NPHP1: variants seen among roughly 807,000 people sequenced by gnomAD.
NPHP1 encodes the protein nephrocystin-1.
NPHP1 carries 70 observed loss-of-function variants against 90.4 expected under a neutral mutation model. The observed-to-expected ratio is 0.77, with a 90% CI of 0.64 to 0.95. NPHP1 has a LOEUF of 0.95. Among genes scored for constraint, NPHP1 ranks in the 40% least tolerant of loss-of-function variants. The probability of loss-of-function intolerance (pLI) is 0.00; values close to 1 mark genes in which losing one functional copy is unlikely to be tolerated. For synonymous variants in NPHP1, 256 were observed against 271.7 expected, an observed-to-expected ratio of 0.94 and a Z score of 0.57; for missense variants, 764 against 795.9, an observed-to-expected ratio of 0.96 and a Z score of 0.48.
intron 8 of NPHP1, chr2:110,164,423 G>A: frequency 2.7e-6 from 2 of 740,238 alleles, no homozygotes; most frequent in Non-Finnish European, 4.8e-6. Context: ...TGATAGGAAA[G>A]CAGGATCAAT....
chr2:110,144,529 T>C lies in NPHP1; in HGVS notation c.1393A>G (p.Lys465Glu), dbSNP rs145522028. The change falls in exon 15 of 20, where the codon AAA (lysine) becomes GAA (glutamate). Residue 465 changes from lysine to glutamate, a missense_variant. Physicochemically the swap from Lys to Glu is moderately conservative, Grantham distance 56. Coordinates refer to ENST00000445609, the MANE Select transcript of NPHP1 (RefSeq NM_001128178.3). Reference protein sequence around the residue: ...LFLNGGTPYEKGIEVDPSISR... With the variant: ...LFLNGGTPYEEGIEVDPSISR... ...ATTGAAGGGTCCACTTCAATACCTT[T>C]TTCATAAGGAGTACCACCATTCAAG... 1 of 1,606,964 alleles carries C rather than the reference T, an allele frequency of 6.2e-7. No individual in the cohort carries two copies. Among genetic ancestry groups the C allele is most frequent in the African/African-American group, 1.3e-5 (1 of 74,808 alleles).
intron 6 of NPHP1, among the ~76,000 whole-genome samples, chr2:110,167,465 T>C (rs1682798681): frequency 6.6e-6 from 1 of 152,040 alleles, no homozygotes; most frequent in Admixed American, 6.6e-5. Context: ...AATGATGGGG[T>C]TCCAGGAACT....
intron 2 of NPHP1, among the ~76,000 whole-genome samples, chr2:110,187,476 G>C (rs1684378580): frequency 6.6e-6 from 1 of 152,100 alleles, no homozygotes; most frequent in Non-Finnish European, 1.5e-5. Flanking sequence ...GGAAGAAATT[G>C]AATCCCTGAA....
At chr2:110,155,474 G>A (rs1222015856) in intron 11 of NPHP1, among the ~76,000 whole-genome samples, 1 of 152,180 alleles carries the variant, frequency 6.6e-6, no homozygotes, top group Non-Finnish European at 1.5e-5. Context: ...GCACCGTGCT[G>A]CTGGAAAAGC....
intron 6 of NPHP1, 24 bp from the exon 7 acceptor site, chr2:110,165,179 G>T (rs781765193): frequency 6.3e-7 from 1 of 1,576,086 alleles, no homozygotes; most frequent in South Asian, 1.1e-5. Context: ...GAAATGTGAA[G>T]TGCTTTTTAA....
intron 16 of NPHP1, among the ~76,000 whole-genome samples, chr2:110,134,751 A>G (rs1350765977): frequency 1.3e-5 from 2 of 152,086 alleles, no homozygotes; most frequent in Non-Finnish European, 2.9e-5. Flanking sequence ...TATTTTCTCA[A>G]TTGATGCTGA....
rs746515295 is a variant in NPHP1 at position 110,178,397 on chromosome 2, AAAAG to A, written c.329+22_329+25del. 8.1e-6 allele frequency: 13 copies of A among 1,611,790 alleles called. No homozygotes were observed. In the African/African-American group the frequency reaches 1.6e-4, roughly 20 times the overall value. ...TTGGTGATATATCTTTAAAAAAGAA[AAAAG>A]AAAGGTAGAAAGGAAGCATACTCAG... On this transcript the variant is annotated intron_variant, in intron 4 of 19. Coordinates refer to ENST00000445609, the MANE Select transcript of NPHP1 (RefSeq NM_001128178.3).
chr2:110,169,306 T>C (rs1237675831), intron 5 of NPHP1, among the ~76,000 whole-genome samples: 1 of 152,130 alleles, frequency 6.6e-6, no homozygotes, highest in African/African-American at 2.4e-5. Flanking sequence ...CACTTAAATT[T>C]CTTTGGCTCA....
chr2:110,192,714 C>T (rs965946509), intron 2 of NPHP1, among the ~76,000 whole-genome samples: 3 of 151,938 alleles, frequency 2.0e-5, no homozygotes, highest in Admixed American at 6.6e-5. Context: ...GTCAGATTCA[C>T]GAAAGTTGAA....
At chr2:110,133,361 T>C (rs1298073597) in intron 16 of NPHP1, among the ~76,000 whole-genome samples, 1 of 152,084 alleles carries the variant, frequency 6.6e-6, no homozygotes, top group African/African-American at 2.4e-5. Flanking sequence ...ATAACAATTA[T>C]AAACATATAT....
chr2:110,190,943 A>G (rs1372037398), intron 2 of NPHP1, among the ~76,000 whole-genome samples: 2 of 152,220 alleles, frequency 1.3e-5, no homozygotes, highest in Admixed American at 6.5e-5. Context: ...AGCACAGTGA[A>G]GTACCATCTC....
intron 11 of NPHP1, among the ~76,000 whole-genome samples, chr2:110,154,147 T>G (rs998301469): frequency 6.6e-6 from 1 of 152,070 alleles, no homozygotes; most frequent in Non-Finnish European, 1.5e-5. Context: ...GCGCTGTTCT[T>G]GTGATAGTGA....
chr2:110,124,053 T>C lies in NPHP1; in HGVS notation c.1772A>G (p.Glu591Gly). ...CAGGAGAAACGTGGACTTCAGGAAC[T>C]CTTTGTCTCTCTGGGAAAACACCAC... ...TLKRSEKRDK[E>G]FLKSTFLLVY... is the part of the protein sequence containing the mutation. Residue 591 changes from glutamate to glycine, a missense_variant, in exon 20 of 20, where the codon GAG (glutamate) becomes GGG (glycine). Physicochemically the swap from Glu to Gly is moderately conservative, Grantham distance 98. Transcript: ENST00000445609. The C allele has an allele frequency of 6.2e-7, 1 of 1,614,070 alleles. No homozygotes were observed.
chr2:110,125,349 G>T (rs773898505), intron 19 of NPHP1: 6 of 1,511,284 alleles, frequency 4.0e-6, no homozygotes, highest in Non-Finnish European at 5.3e-6. Context: ...AAAAATAAAA[G>T]AAATTTGATA....
chr2:110,176,082 G>T (rs139009522), intron 4 of NPHP1, among the ~76,000 whole-genome samples: 1 of 151,566 alleles, frequency 6.6e-6, no homozygotes, highest in Non-Finnish European at 1.5e-5. Context: ...TTAAGATTTC[G>T]CTCTATTCAT....
At position 110,160,163 on chromosome 2, in the gene NPHP1, G is replaced by C; in HGVS notation, c.1047C>G (p.Ser349Arg). The change falls in exon 11 of 20, where the codon AGC becomes AGG. Residue 349 changes from serine to arginine, a missense_variant. Physicochemically the swap from Ser to Arg is moderately radical, Grantham distance 110. Coordinates refer to ENST00000445609, the MANE Select transcript of NPHP1 (RefSeq NM_001128178.3). The stretch of plus-strand genomic sequence containing the variant: ...CAAATAGACAGAGGCGTACATGTCT[G>C]CTGAGAACCTGTATGCTCATTCCTG... ...PLPGMSIQVL[S>R]RHVRLCLFDG... 6.2e-7 allele frequency: 1 copy of C among 1,612,588 alleles called. No homozygotes were observed. Among genetic ancestry groups the C allele is most frequent in the Non-Finnish European group, 8.5e-7 (1 of 1,178,782 alleles).
chr2:110,162,280 T>C (rs775569586), intron 9 of NPHP1, among the ~76,000 whole-genome samples: 1 of 151,912 alleles, frequency 6.6e-6, no homozygotes, highest in Non-Finnish European at 1.5e-5. Flanking sequence ...AGCAAATAAA[T>C]AAAATAATTA....
intron 19 of NPHP1, chr2:110,124,457 C>T (rs1013753307): frequency 6.1e-5 from 18 of 296,148 alleles, no homozygotes; most frequent in Non-Finnish European, 9.2e-5. Context: ...TCAGAGGTAA[C>T]TGTCATGTTA....
At chr2:110,153,551 C>T (rs1231640685) in intron 11 of NPHP1, among the ~76,000 whole-genome samples, 1 of 152,058 alleles carries the variant, frequency 6.6e-6, no homozygotes, top group Non-Finnish European at 1.5e-5. Context: ...TACATCACTC[C>T]AACTGGAATG....
Sources: allele counts gnomAD v4.1 joint callset (sites outside exome capture counted in the v4.1 genomes callset), GRCh38; gene constraint gnomAD v4.1.1; transcripts MANE v1.5; gene names NCBI Gene and HGNC (gene_info 2026-07-23, HGNC 2026-07-21).